UGGT1: variants seen among roughly 807,000 people sequenced by gnomAD.
UGGT1 encodes the protein UDP-glucose glycoprotein glucosyltransferase 1, also known as UDP-glucose:glycoprotein glucosyltransferase 1.
A neutral mutation model predicts 203.9 loss-of-function variants in UGGT1; 107 were observed. The observed-to-expected ratio is 0.52, with a 90% CI of 0.45 to 0.62. The LOEUF (loss-of-function observed/expected upper bound fraction) is 0.62, where lower values mean the gene tolerates loss of function less well. Ranked by LOEUF, UGGT1 falls within the 20% of genes least tolerant of loss-of-function variation. The pLI is 0.00. For missense variants in UGGT1, 1,673 were observed against 1,867.2 expected (o/e 0.90, Z 1.92); for synonymous variants, 628 against 653.5 (o/e 0.96, Z 0.59).
intron 1 of UGGT1, among the ~76,000 whole-genome samples, chr2:128,096,231 T>C (rs903266627): frequency 6.6e-6 from 1 of 152,204 alleles, no homozygotes; most frequent in African/African-American, 2.4e-5. Context: ...GACAGTTGGC[T>C]TGGGAAGCCA....
chr2:128,187,334 G>C (rs1692030124), intron 39 of UGGT1, 115 bp from the exon 40 acceptor site: 22 of 1,117,930 alleles, frequency 2.0e-5, no homozygotes, highest in Middle Eastern at 2.7e-4. Flanking sequence ...TATATCATTT[G>C]GTTCCTTACT....
In UGGT1 at chr2:128,120,341, T is replaced by G; in HGVS notation, c.873-15T>G. 1 of 1,605,400 alleles carries G rather than the reference T, an allele frequency of 6.2e-7. No homozygotes were observed. The highest frequency in any genetic ancestry group is 2.2e-5 in the East Asian group (1 of 44,816). ...AAAAAATAATGAAAAGGACTGATTTTTATGTTTCTTTTAGAGATCTGCACC... is the reference window on the plus strand; with the variant it reads ...AAAAAATAATGAAAAGGACTGATTTGTATGTTTCTTTTAGAGATCTGCACC... On this transcript the variant is annotated splice_polypyrimidine_tract_variant and intron_variant, in intron 8 of 40. Coordinates refer to ENST00000259253, the MANE Select transcript of UGGT1 (RefSeq NM_020120.4).
At chr2:128,155,609 A>G (rs530186274) in intron 20 of UGGT1, 22 bp downstream of exon 20, 2 of 1,570,328 alleles carry the variant, frequency 1.3e-6, no homozygotes, top group East Asian at 4.5e-5. Context: ...GAGGCTTATT[A>G]TCTTGCATTC....
intron 26 of UGGT1, 32 bp downstream of exon 26, chr2:128,164,857 C>A: frequency 6.6e-7 from 1 of 1,513,356 alleles, no homozygotes; most frequent in South Asian, 1.2e-5. Context: ...TGTGCATATT[C>A]TTGAATATTA....
In UGGT1 at chr2:128,159,552, T is replaced by C. The variant is rs1335992153; in HGVS notation, c.2394T>C (p.Asn798=). ...SNNVRISMIN[N]PAKEISYENT... ...ATGTTAGAATAAGCATGATCAATAA[T>C]CCTGCCAAAGAGATAAGCTATGAGA... The change falls in exon 23 of 41, where the codon AAT becomes AAC. Residue 798 remains asparagine (N), a synonymous_variant. Transcript: ENST00000259253. 3 of 1,614,182 alleles carry C rather than the reference T, an allele frequency of 1.9e-6. No homozygotes were observed. The highest frequency in any genetic ancestry group is 3.3e-5 in the Admixed American group (2 of 60,030).
In UGGT1 at chr2:128,191,260, T is replaced by C. The variant is rs938331420; in HGVS notation, c.*1518T>C. On this transcript the variant is annotated 3_prime_UTR_variant, in exon 41 of 41. Coordinates refer to ENST00000259253, the MANE Select transcript of UGGT1 (RefSeq NM_020120.4). ...AGACTTTTAAGAAATCTTAGTCTTATCACAAATATCAAGTAATTTATTTTT... is the reference window on the plus strand; with the variant it reads ...AGACTTTTAAGAAATCTTAGTCTTACCACAAATATCAAGTAATTTATTTTT... 2.0e-5 allele frequency: 3 copies of C among 152,248 alleles called. No individual in the cohort carries two copies. The highest frequency in any genetic ancestry group is 4.8e-5 in the African/African-American group (2 of 41,468). 9.4% of individuals were successfully genotyped at this position (152,248 alleles called of 1,614,324 possible). A position where few individuals can be genotyped will look rare whatever the true frequency, so the allele number is the denominator to read the frequency against.
chr2:128,122,429 G>T (rs942148307), intron 10 of UGGT1, among the ~76,000 whole-genome samples: 4 of 151,970 alleles, frequency 2.6e-5, no homozygotes, highest in African/African-American at 7.2e-5. Context: ...AGTTACTCGG[G>T]AGTCTGATGC....
At chr2:128,179,683 T>A in intron 34 of UGGT1, 103 bp from the exon 35 acceptor site, 1 of 940,742 alleles carries the variant, frequency 1.1e-6, no homozygotes, top group Non-Finnish European at 1.6e-6. Context: ...ATTAGTTAGC[T>A]CTGCCGTAAA....
chr2:128,136,994 A>C (rs1573553284), intron 15 of UGGT1, among the ~76,000 whole-genome samples: 1 of 152,258 alleles, frequency 6.6e-6, no homozygotes, highest in Non-Finnish European at 1.5e-5. Flanking sequence ...TTTATCACCT[A>C]TCTGTATATC....
chr2:128,120,556 C>G, intron 9 of UGGT1, 100 bp downstream of exon 9: 1 of 840,490 alleles, frequency 1.2e-6, no homozygotes, highest in Non-Finnish European at 1.9e-6. Flanking sequence ...GTACGTGATT[C>G]TGAAGGTGCC....
In UGGT1 at chr2:128,172,775, C is replaced by G. The variant is rs1442513229; in HGVS notation, c.3294+13C>G. ...TTATTTAGAAGAGGTAAGACCATATCTATTGCTTCCAAATACCTAATCATG... is the reference window on the plus strand; with the variant it reads ...TTATTTAGAAGAGGTAAGACCATATGTATTGCTTCCAAATACCTAATCATG... On this transcript the variant is annotated intron_variant, in intron 29 of 40. Transcript: ENST00000259253. 5 of 1,606,352 alleles carry G rather than the reference C, an allele frequency of 3.1e-6. No individual in the cohort carries two copies. The highest frequency in any genetic ancestry group is 1.7e-5 in the Admixed American group (1 of 59,598).
chr2:128,143,669 T>C (rs1027730355), intron 17 of UGGT1, among the ~76,000 whole-genome samples: 2 of 152,220 alleles, frequency 1.3e-5, no homozygotes, highest in South Asian at 2.1e-4. Context: ...TTTCCTAGAC[T>C]TGGCCATCTG....
chr2:128,161,298 G>A, intron 25 of UGGT1, 30 bp downstream of exon 25: 1 of 1,606,950 alleles, frequency 6.2e-7, no homozygotes, highest in Non-Finnish European at 8.5e-7. Context: ...GAATTACAGG[G>A]GTTATATAAT....
At chr2:128,141,863 A>C (rs942273901) in intron 16 of UGGT1, among the ~76,000 whole-genome samples, 3 of 151,692 alleles carry the variant, frequency 2.0e-5, no homozygotes, top group Non-Finnish European at 4.4e-5. Context: ...AGATTTCTCT[A>C]TCTCTCCCCT....
intron 18 of UGGT1, chr2:128,151,095 C>T (rs1474436742): frequency 3.4e-6 from 1 of 294,702 alleles, no homozygotes; most frequent in Non-Finnish European, 6.6e-6. Flanking sequence ...AGGTTATCCA[C>T]CCGCCTCAGC....
In UGGT1 at chr2:128,149,541, G is replaced by A. The variant is rs569218173; in HGVS notation, c.2017-3243G>A. On this transcript the variant is annotated intron_variant, in intron 18 of 40. Transcript: ENST00000259253. ...GCTCACTTGGGAAACCGAGGTGGGC[G>A]GATCATGAGGTCAGGAGATCAAGAT... Among the ~76,000 whole-genome samples, 18 of 151,028 alleles carry A rather than the reference G, an allele frequency of 1.2e-4. 1 individual carries two copies. The South Asian group carries it at 3.6e-3, about 30-fold the overall frequency.
chr2:128,173,885 C>T lies in UGGT1; in HGVS notation c.3399C>T (p.Thr1133=). 1 of 1,614,160 alleles carries T rather than the reference C, an allele frequency of 6.2e-7. No homozygotes were observed. Among genetic ancestry groups the T allele is most frequent in the Non-Finnish European group, 8.5e-7 (1 of 1,180,036 alleles). Reference sequence around the variant, plus strand: ...AGCCTCCACGGGGACTACAGTTTACCTTAGGAACTTCAGCCAACCCGGTCA... The same window carrying T: ...AGCCTCCACGGGGACTACAGTTTACTTTAGGAACTTCAGCCAACCCGGTCA... The part of the protein sequence containing the change: ...TGQPPRGLQF[T]LGTSANPVIV... Residue 1133 remains threonine, a synonymous_variant, in exon 30 of 41, where the codon ACC becomes ACT. Transcript: ENST00000259253.
Position 128,172,066 on chromosome 2 carries a change from C to T in UGGT1, c.3105-507C>T, listed in dbSNP as rs183250282. 4.6e-5 allele frequency among the ~76,000 whole-genome samples: 7 copies of T among 152,234 alleles called. No homozygotes were observed. The East Asian group carries it at 1.2e-3, about 25-fold the overall frequency. On this transcript the variant is annotated intron_variant, in intron 28 of 40. Transcript: ENST00000259253. Reference sequence around the variant, plus strand: ...GGTTCCCAGCTTCCACCATTATTCTCGTATAGGGGAAATGTTTACATTATT... The same window carrying T: ...GGTTCCCAGCTTCCACCATTATTCTTGTATAGGGGAAATGTTTACATTATT...
At chr2:128,100,084 C>T (rs1687306569) in intron 2 of UGGT1, among the ~76,000 whole-genome samples, 1 of 122,240 alleles carries the variant, frequency 8.2e-6, no homozygotes, top group South Asian at 2.8e-4. Context: ...GACTGGAGTT[C>T]AGTGGCGCCA....
Sources: allele counts gnomAD v4.1 joint callset (sites outside exome capture counted in the v4.1 genomes callset), GRCh38; gene constraint gnomAD v4.1.1; transcripts MANE v1.5; gene names NCBI Gene and HGNC (gene_info 2026-07-23, HGNC 2026-07-21).